Variants in SLC9A1 observed in about 807,000 individuals in gnomAD.
SLC9A1 encodes sodium/hydrogen exchanger 1.
In SLC9A1, 22 loss-of-function variants were observed where a neutral mutation model predicts 67.9. The ratio of observed to expected loss-of-function variants is 0.32; its 90% CI spans 0.23 to 0.46. SLC9A1 has a LOEUF of 0.46. Among genes scored for constraint, SLC9A1 ranks in the 20% least tolerant of loss-of-function variants. SLC9A1 has a pLI of 1.00. For synonymous variants in SLC9A1, 421 were observed against 471.8 expected, an observed-to-expected ratio of 0.89 and a Z score of 1.40; for missense variants, 686 against 1,094.8, an observed-to-expected ratio of 0.63 and a Z score of 5.27.
At chr1:27,131,439 CAAAAAAAAAAAAA>C (rs35954506) in intron 1 of SLC9A1, among the ~76,000 whole-genome samples, 3 of 27,490 alleles carry the variant, frequency 1.1e-4, no homozygotes, top group Admixed American at 6.2e-4. Context: ...ACTAAAAATA[CAAAAAAAAAAAAA>C]AAAAAAAAAA....
intron 3 of SLC9A1, 133 bp from the exon 4 acceptor site, chr1:27,107,998 G>T: frequency 1.5e-6 from 1 of 655,764 alleles, no homozygotes; most frequent in Non-Finnish European, 2.7e-6. Flanking sequence ...GGGGCCCGCT[G>T]TGTGCTTTAC....
chr1:27,139,874 C>A (rs2083443591), intron 1 of SLC9A1, among the ~76,000 whole-genome samples: 1 of 151,472 alleles, frequency 6.6e-6, no homozygotes, highest in Non-Finnish European at 1.5e-5. Flanking sequence ...CTCACAGCAA[C>A]CTCCACCTCC....
chr1:27,133,415 A>G (rs1187974446), intron 1 of SLC9A1, among the ~76,000 whole-genome samples: 6 of 152,070 alleles, frequency 3.9e-5, no homozygotes, highest in Admixed American at 2.6e-4. Flanking sequence ...TCTCATAAGT[A>G]TGGGGGCCCC....
rs1453946167 is a variant in SLC9A1 at position 27,100,295 on chromosome 1, C to T, written c.*12G>A. 4.0e-6 allele frequency: 6 copies of T among 1,512,414 alleles called. No individual in the cohort carries two copies. In the South Asian group the frequency reaches 8.0e-5, roughly 20 times the overall value. The allele number at this position is 1,512,414 out of a possible 1,614,324, so 93.7% of individuals were successfully genotyped here. A position where few individuals can be genotyped will look rare whatever the true frequency, so the allele number is the denominator to read the frequency against. On this transcript the variant is annotated 3_prime_UTR_variant, in exon 12 of 12. Transcript: ENST00000263980. This position sits in a 1 kb window ranked among gnomAD's most constrained non-coding sequence, Gnocchi z 5.6. ...TCTGTGAGGGGACAGGCGCTGCCTG[C>T]TGGCCCTGGTGTTACTGCCCCTTGG...
chr1:27,152,372 G>A (rs2083535193), intron 1 of SLC9A1, among the ~76,000 whole-genome samples: 1 of 152,206 alleles, frequency 6.6e-6, no homozygotes, highest in African/African-American at 2.4e-5. Flanking sequence ...CAGGTGAGGG[G>A]ATCGGGGACA....
chr1:27,102,255 G>A, intron 8 of SLC9A1, 125 bp from the exon 9 acceptor site: 1 of 1,340,650 alleles, frequency 7.5e-7, no homozygotes, highest in Non-Finnish European at 1.1e-6. Flanking sequence ...GGTCCTTGGT[G>A]CGAGCCCACA....
At position 27,113,994 on chromosome 1, in the gene SLC9A1, G is replaced by A. The variant is rs2124155067; in HGVS notation, c.645C>T (p.Gly215=). The stretch of plus-strand genomic sequence containing the variant: ...GGCCGATGTTGTTGATCTGCTCACC[G>A]CCCACCAGGCACACGGCGTACATGA... The part of the protein sequence containing the change: ...GGLMYAVCLV[G]GEQINNIGLL... The change falls in exon 2 of 12, where the codon GGC becomes GGT. Residue 215 remains glycine (G), a synonymous_variant. Transcript: ENST00000263980. 1.2e-6 allele frequency: 2 copies of A among 1,614,144 alleles called. No individual in the cohort carries two copies. Among genetic ancestry groups the A allele is most frequent in the Non-Finnish European group, 1.7e-6 (2 of 1,180,042 alleles).
At chr1:27,126,203 G>A (rs777792465) in intron 1 of SLC9A1, among the ~76,000 whole-genome samples, 4 of 152,030 alleles carry the variant, frequency 2.6e-5, no homozygotes, top group Non-Finnish European at 4.4e-5. Flanking sequence ...ACTTCCTGAC[G>A]TCTAGATGTG....
rs989008965 is a variant in SLC9A1 at position 27,118,889 on chromosome 1, C to T, written c.353-4603G>A. 1.3e-5 allele frequency among the ~76,000 whole-genome samples: 2 copies of T among 152,128 alleles called. No individual in the cohort carries two copies. Among genetic ancestry groups the T allele is most frequent in the African/African-American group, 4.8e-5 (2 of 41,430 alleles). On this transcript the variant is annotated intron_variant, in intron 1 of 11. Coordinates refer to ENST00000263980, the MANE Select transcript of SLC9A1 (RefSeq NM_003047.5). The surrounding 1 kb of genome is among the most constrained non-coding windows in gnomAD (Gnocchi z 4.3). ...TCGAGGACGTCCAGTCCTCCCAGAA[C>T]AAGGAGGCACGAAAGTGTGGAATTC...
intron 1 of SLC9A1, among the ~76,000 whole-genome samples, chr1:27,123,623 G>A (rs2083320250): frequency 6.6e-6 from 1 of 151,246 alleles, no homozygotes; most frequent in Non-Finnish European, 1.5e-5. Flanking sequence ...TGATTCTCCT[G>A]CCTCAGCCTC....
rs113946273 is a variant in SLC9A1, at chr1:27,148,001, A to G, written c.352+5982T>C. ...AAGAGCGAAACTCTTGTATCAAAAA[A>G]AAAAAGAAAAAAGAAAACAGGGGCT... On this transcript the variant is annotated intron_variant, in intron 1 of 11. Transcript: ENST00000263980. Among the ~76,000 whole-genome samples, 506 of 152,208 alleles carry G rather than the reference A, an allele frequency of 3.3e-3. 3 individuals are homozygous for G. The highest frequency in any genetic ancestry group is 0.011 in the African/African-American group (445 of 41,538).
At position 27,101,796 on chromosome 1, in the gene SLC9A1, C is replaced by T; in HGVS notation, c.1966G>A (p.Ala656Thr). Residue 656 changes from alanine (A) to threonine (T), a missense_variant, in exon 10 of 12, where the codon GCA (alanine) becomes ACA (threonine). Ala to Thr is a moderately conservative substitution (Grantham distance 58). This residue lies in a region of SLC9A1 where 226 missense variants were observed against 282.4 expected (regional missense o/e 0.80). Transcript: ENST00000263980. The surrounding 1 kb of genome is among the most constrained non-coding windows in gnomAD (Gnocchi z 4.9). ...TTCCAGGCTTCCTCGTAGGGGTCTG[C>T]CACCAGCGTGTGTCTGTTGTAGGAC... ...LRSYNRHTLV[A>T]DPYEEAWNQM... The T allele has an allele frequency of 6.2e-7, 1 of 1,612,642 alleles. No individual in the cohort carries two copies. The highest frequency in any genetic ancestry group is 8.5e-7 in the Non-Finnish European group (1 of 1,179,876).
chr1:27,108,726 G>A (rs987899036), intron 3 of SLC9A1, among the ~76,000 whole-genome samples: 5 of 152,054 alleles, frequency 3.3e-5, no homozygotes, highest in Admixed American at 2.0e-4. Flanking sequence ...CCCCTGTCAC[G>A]CTGCCTGCAG....
In SLC9A1 at chr1:27,107,885, G is replaced by A; in HGVS notation, c.1065-20C>T. 3 of 1,558,328 alleles carry A rather than the reference G, an allele frequency of 1.9e-6. No homozygotes were observed. Among genetic ancestry groups the A allele is most frequent in the Non-Finnish European group, 2.6e-6 (3 of 1,143,860 alleles). ...ATGAGCCTGGAGCAGGAAAGAGCGG[G>A]GTCAGGGCTCCGTGTCGAGCTGCAC... On this transcript the variant is annotated intron_variant, in intron 3 of 11. Coordinates refer to ENST00000263980, the MANE Select transcript of SLC9A1 (RefSeq NM_003047.5).
chr1:27,103,147 G>A, intron 6 of SLC9A1, 76 bp downstream of exon 6: 1 of 1,104,920 alleles, frequency 9.1e-7, no homozygotes, highest in East Asian at 2.4e-5. Context: ...ATGGGGGGCA[G>A]AGACTTGAGG....
At chr1:27,147,299 C>CAAAAAAAAAAAAAAAAA (rs57583944) in intron 1 of SLC9A1, among the ~76,000 whole-genome samples, 3 of 43,954 alleles carry the variant, frequency 6.8e-5, no homozygotes, top group East Asian at 5.2e-4. Flanking sequence ...GACTCTGTCT[C>CAAAAAAAAAAAAAAAAA]AAAAAAAAAA....
chr1:27,136,284 C>T (rs1436894819), intron 1 of SLC9A1, among the ~76,000 whole-genome samples: 1 of 152,246 alleles, frequency 6.6e-6, no homozygotes, highest in African/African-American at 2.4e-5. Flanking sequence ...ACGACTCAAG[C>T]TCTGGGTCTG....
chr1:27,142,147 G>A lies in SLC9A1; in HGVS notation c.352+11836C>T, dbSNP rs191206623. Among the ~76,000 whole-genome samples, 166 of 152,250 alleles carry A rather than the reference G, an allele frequency of 1.1e-3. 1 individual carries two copies. Among genetic ancestry groups the A allele is most frequent in the African/African-American group, 3.8e-3 (159 of 41,534 alleles). On this transcript the variant is annotated intron_variant, in intron 1 of 11. Transcript: ENST00000263980. ...TAAAGGGCCCACTGGAAGAACTGAGGTTTGCCAATGCTACCAATATCCAAG... is the reference window on the plus strand; with the variant it reads ...TAAAGGGCCCACTGGAAGAACTGAGATTTGCCAATGCTACCAATATCCAAG...
intron 1 of SLC9A1, among the ~76,000 whole-genome samples, chr1:27,121,794 C>G (rs2083306141): frequency 6.6e-6 from 1 of 152,178 alleles, no homozygotes; most frequent in South Asian, 2.1e-4. Context: ...CAGCAGGAAA[C>G]TCTTCCTCAC....
Sources: allele counts gnomAD v4.1 joint callset (sites outside exome capture counted in the v4.1 genomes callset), GRCh38; gene constraint gnomAD v4.1.1; regional missense constraint gnomAD v4.1.1; non-coding constraint Gnocchi (gnomAD v3.1); transcripts MANE v1.5; gene names NCBI Gene and HGNC (gene_info 2026-07-23, HGNC 2026-07-21).